Variants in SLC25A21 observed in about 807,000 individuals in gnomAD.
SLC25A21 encodes the protein mitochondrial 2-oxodicarboxylate carrier.
SLC25A21 carries 47 observed loss-of-function variants against 43.8 expected under a neutral mutation model. That is an observed-to-expected ratio of 1.07 (90% CI 0.85 to 1.37). SLC25A21 has a LOEUF of 1.37. Among genes scored for constraint, SLC25A21 ranks in the 40% most tolerant of loss-of-function variants. The pLI, the probability that SLC25A21 is intolerant of heterozygous loss-of-function variation, is 0.00. For synonymous variants in SLC25A21, 131 were observed against 121.3 expected (o/e 1.08, Z -0.52); for missense variants, 352 against 350.2 (o/e 1.00, Z -0.04).
intron 1 of SLC25A21, among the ~76,000 whole-genome samples, chr14:36,964,605 T>C (rs1449651054): frequency 1.3e-5 from 2 of 152,228 alleles, no homozygotes; most frequent in Admixed American, 6.5e-5. Context: ...AAGATCCTCT[T>C]GTGAGAGTGC....
intron 2 of SLC25A21, among the ~76,000 whole-genome samples, chr14:36,865,569 C>G (rs1208766105): frequency 6.6e-6 from 1 of 151,554 alleles, no homozygotes; most frequent in African/African-American, 2.4e-5. Flanking sequence ...CAATGAGAAT[C>G]ACAGGTTAAT....
At chr14:37,111,541 T>C (rs1219232184) in intron 1 of SLC25A21, among the ~76,000 whole-genome samples, 1 of 152,184 alleles carries the variant, frequency 6.6e-6, no homozygotes, top group Non-Finnish European at 1.5e-5. Context: ...TTTATTATCA[T>C]TCACTTCTGG....
chr14:36,719,942 A>T (rs1884309243), intron 6 of SLC25A21, among the ~76,000 whole-genome samples: 1 of 152,116 alleles, frequency 6.6e-6, no homozygotes, highest in African/African-American at 2.4e-5. Flanking sequence ...TCCAGTTCCT[A>T]TTATTCGGCT....
chr14:36,918,731 T>C (rs985617899), intron 1 of SLC25A21, among the ~76,000 whole-genome samples: 6 of 151,794 alleles, frequency 4.0e-5, no homozygotes, highest in South Asian at 2.1e-4. Context: ...ACTATAAAAA[T>C]AGAAAAAAAT....
rs1353775835 is a variant in SLC25A21 at position 36,678,166 on chromosome 14, T to C, written c.*2492A>G. 45 of 402,928 alleles carry C rather than the reference T, an allele frequency of 1.1e-4. 1 individual carries two copies. In the South Asian group the frequency reaches 1.6e-3, roughly 15 times the overall value. 25.0% of individuals were successfully genotyped at this position (402,928 alleles called of 1,614,324 possible). ...GTGCTGTGCACAGTCTACATGGCAA[T>C]GCGGTTCCACCACATCGGTTTCGTG... On this transcript the variant is annotated 3_prime_UTR_variant, in exon 10 of 10. Coordinates refer to ENST00000331299, the MANE Select transcript of SLC25A21 (RefSeq NM_030631.4).
chr14:36,839,473 C>T (rs564805396), intron 2 of SLC25A21, among the ~76,000 whole-genome samples: 4 of 152,246 alleles, frequency 2.6e-5, no homozygotes, highest in African/African-American at 4.8e-5. Context: ...TCCTATAGTT[C>T]GATTTAGTAA....
At chr14:36,722,695 T>A (rs1884424939) in intron 6 of SLC25A21, among the ~76,000 whole-genome samples, 1 of 152,234 alleles carries the variant, frequency 6.6e-6, no homozygotes, top group Non-Finnish European at 1.5e-5. Context: ...CTACTAAAAA[T>A]GTGGCTCACA....
At chr14:36,685,076 G>C in intron 7 of SLC25A21, 151 bp from the exon 8 acceptor site, 1 of 577,834 alleles carries the variant, frequency 1.7e-6, no homozygotes, top group Admixed American at 3.4e-5. Context: ...TCCTAGGCTG[G>C]AACTTGTTTT....
At position 36,678,499 on chromosome 14, in the gene SLC25A21, G is replaced by C; in HGVS notation, c.*2159C>G. 2 of 1,536,940 alleles carry C rather than the reference G, an allele frequency of 1.3e-6. No individual in the cohort carries two copies. The highest frequency in any genetic ancestry group is 1.7e-6 in the Non-Finnish European group (2 of 1,146,720). On this transcript the variant is annotated 3_prime_UTR_variant, in exon 10 of 10. Transcript: ENST00000331299. ...GAGTTCCCAGTCTGGTGAGAAAATAGACTATAAACTGAATGGAACAAAGAT... is the reference window on the plus strand; with the variant it reads ...GAGTTCCCAGTCTGGTGAGAAAATACACTATAAACTGAATGGAACAAAGAT...
chr14:36,761,097 T>C (rs1341966958), intron 3 of SLC25A21, among the ~76,000 whole-genome samples: 7 of 152,190 alleles, frequency 4.6e-5, no homozygotes, highest in Non-Finnish European at 7.3e-5. Flanking sequence ...CCCTTTCATC[T>C]GGGGCCTCTA....
At position 36,862,412 on chromosome 14, in the gene SLC25A21, T is replaced by C. The variant is rs146809293; in HGVS notation, c.119+12544A>G. On this transcript the variant is annotated intron_variant, in intron 2 of 9. Transcript: ENST00000331299. ...AAGCAAATGTGGCACATATACACCA[T>C]GGAATACTATGCAGCCATAAAAAAG... Among the ~76,000 whole-genome samples the C allele has an allele frequency of 3.5e-3, 537 of 152,318 alleles. 28 individuals are homozygous for C. The East Asian group carries it at 0.088, about 25-fold the overall frequency.
chr14:36,849,574 C>G (rs556040001), intron 2 of SLC25A21, among the ~76,000 whole-genome samples: 70 of 152,264 alleles, frequency 4.6e-4, no homozygotes, highest in African/African-American at 1.6e-3. Context: ...TAGTTCGATT[C>G]AATGAAATAC....
rs570546753 is a variant in SLC25A21, at chr14:37,006,332, T to TA, written c.71-131329dup. Among the ~76,000 whole-genome samples, 338 of 152,226 alleles carry TA rather than the reference T, an allele frequency of 2.2e-3. 1 individual carries two copies. The highest frequency in any genetic ancestry group is 7.4e-3 in the African/African-American group (307 of 41,568). On this transcript the variant is annotated intron_variant, in intron 1 of 9. Coordinates refer to ENST00000331299, the MANE Select transcript of SLC25A21 (RefSeq NM_030631.4). ...TTTTATAATATTTGTAAATGTTAAA[T>TA]AAAAACTAGTTTCAGTATTTTAAGT...
At chr14:37,054,575 A>C (rs751764851) in intron 1 of SLC25A21, among the ~76,000 whole-genome samples, 6 of 152,070 alleles carry the variant, frequency 3.9e-5, no homozygotes, top group Non-Finnish European at 8.8e-5. Context: ...CCTCAAGGAG[A>C]GTGGTAGTGG....
At chr14:37,045,315 C>A (rs1961564518) in intron 1 of SLC25A21, among the ~76,000 whole-genome samples, 2 of 152,112 alleles carry the variant, frequency 1.3e-5, no homozygotes, top group African/African-American at 4.8e-5. Context: ...GATTTCTGGA[C>A]ACTGTTATAG....
rs1890543654 is a variant in SLC25A21, at chr14:36,876,870, T to G, written c.71-1866A>C. Among the ~76,000 whole-genome samples the G allele has an allele frequency of 4.7e-5, 7 of 150,414 alleles. No individual in the cohort carries two copies. The South Asian group carries it at 1.5e-3, about 31-fold the overall frequency. On this transcript the variant is annotated intron_variant, in intron 1 of 9. Transcript: ENST00000331299. ...AATATATATATATGAAATGAGGTCA[T>G]GAGGGTCTTGCCCCCATGATGGGAT...
At position 36,680,325 on chromosome 14, in the gene SLC25A21, A is replaced by G. The variant is rs1156707282; in HGVS notation, c.*333T>C. On this transcript the variant is annotated 3_prime_UTR_variant, in exon 10 of 10. Coordinates refer to ENST00000331299, the MANE Select transcript of SLC25A21 (RefSeq NM_030631.4). Reference sequence around the variant, plus strand: ...GGAAAAATGCTGATCAATACAATGAATTTTCATTGTGAAGCATTGAAGAGG... The same window carrying G: ...GGAAAAATGCTGATCAATACAATGAGTTTTCATTGTGAAGCATTGAAGAGG... 2 of 1,005,534 alleles carry G rather than the reference A, an allele frequency of 2.0e-6. No individual in the cohort carries two copies. The highest frequency in any genetic ancestry group is 4.8e-4 in the Middle Eastern group (1 of 2,070). The allele number at this position is 1,005,534 out of a possible 1,614,324, so 62.3% of individuals were successfully genotyped here. A position where few individuals can be genotyped will look rare whatever the true frequency, so the allele number is the denominator to read the frequency against.
intron 1 of SLC25A21, among the ~76,000 whole-genome samples, chr14:36,924,149 C>T (rs1892063004): frequency 6.6e-6 from 1 of 152,040 alleles, no homozygotes; most frequent in Non-Finnish European, 1.5e-5. Flanking sequence ...CTAGAAATAC[C>T]ATTTGACCCA....
At chr14:36,892,549 A>AC (rs1322018695) in intron 1 of SLC25A21, among the ~76,000 whole-genome samples, 2 of 151,590 alleles carry the variant, frequency 1.3e-5, no homozygotes, top group African/African-American at 4.8e-5. Context: ...ACATAATCTC[A>AC]CTTTTTTTTT....
Sources: allele counts gnomAD v4.1 joint callset (sites outside exome capture counted in the v4.1 genomes callset), GRCh38; gene constraint gnomAD v4.1.1; transcripts MANE v1.5; gene names NCBI Gene and HGNC (gene_info 2026-07-23, HGNC 2026-07-21).